Variants in CHLSN observed in about 807,000 individuals in gnomAD.
CHLSN encodes protein cholesin.
chr7:1,002,518 G>T, the CHLSN span, among the ~76,000 whole-genome samples: 1 of 79,418 alleles, frequency 1.3e-5, no homozygotes, highest in Non-Finnish European at 2.4e-5. Flanking sequence ...CCTGTGGGTG[G>T]GGAGTCCTGT....
At chr7:1,061,377 T>G in the CHLSN span, among the ~76,000 whole-genome samples, 1 of 151,920 alleles carries the variant, frequency 6.6e-6, no homozygotes, top group Non-Finnish European at 1.5e-5. Context: ...CCTGAGACAC[T>G]TCACTGTGCA....
the CHLSN span, chr7:1,000,701 G>C: frequency 3.6e-5 from 23 of 640,920 alleles, no homozygotes; most frequent in Non-Finnish European, 5.9e-5. Flanking sequence ...GGTTTTTGGA[G>C]CCCCTCCCCT....
the CHLSN span, among the ~76,000 whole-genome samples, chr7:1,036,833 A>C: frequency 6.7e-6 from 1 of 148,286 alleles, no homozygotes; most frequent in South Asian, 2.2e-4. Context: ...CAGACGGCCA[A>C]GCGTGGTGGC....
At chr7:1,137,580 C>T in the CHLSN span, 2 of 152,218 alleles carry the variant, frequency 1.3e-5, no homozygotes, top group African/African-American at 4.8e-5. Context: ...CAGGAGGATC[C>T]ATCGCTTGAG....
chr7:992,460 G>C, the CHLSN span, among the ~76,000 whole-genome samples: 1 of 152,244 alleles, frequency 6.6e-6, no homozygotes, highest in Admixed American at 6.5e-5. Flanking sequence ...AGGAGACCAA[G>C]CTTTACCCAC....
the CHLSN span, among the ~76,000 whole-genome samples, chr7:1,114,406 G>C: frequency 1.6e-4 from 25 of 152,372 alleles, no homozygotes; most frequent in Non-Finnish European, 3.4e-4. Flanking sequence ...AGCGTGAATT[G>C]TGGTGAGCCT....
the CHLSN span, among the ~76,000 whole-genome samples, chr7:1,076,781 C>T: frequency 3.9e-5 from 6 of 152,228 alleles, no homozygotes; most frequent in East Asian, 1.9e-4. Flanking sequence ...TCGGGAAAGC[C>T]GGGGGAGGAG....
At chr7:1,041,034 C>T in the CHLSN span, among the ~76,000 whole-genome samples, 1 of 152,246 alleles carries the variant, frequency 6.6e-6, no homozygotes, top group Non-Finnish European at 1.5e-5. Flanking sequence ...CTGGGCACCT[C>T]CCACGTTCCC....
At chr7:1,046,825 C>G in the CHLSN span, among the ~76,000 whole-genome samples, 1 of 152,230 alleles carries the variant, frequency 6.6e-6, no homozygotes, top group Non-Finnish European at 1.5e-5. Flanking sequence ...TTGCAGACCA[C>G]TGTCGCTACC....
At chr7:1,072,716 C>G in the CHLSN span, among the ~76,000 whole-genome samples, 3 of 135,178 alleles carry the variant, frequency 2.2e-5, no homozygotes, top group African/African-American at 8.7e-5. Context: ...GAGTCTCGCT[C>G]CATCGTGCCC....
At chr7:1,099,871 C>T in the CHLSN span, among the ~76,000 whole-genome samples, 1 of 152,248 alleles carries the variant, frequency 6.6e-6, no homozygotes. Flanking sequence ...ATTCAGGCCA[C>T]GGTGCAGCAG....
At chr7:1,112,160 C>G in the CHLSN span, among the ~76,000 whole-genome samples, 5 of 152,194 alleles carry the variant, frequency 3.3e-5, no homozygotes, top group African/African-American at 4.8e-5. Flanking sequence ...GGAAATTCCA[C>G]TGACATGGAA....
chr7:1,116,984 G>A, the CHLSN span, among the ~76,000 whole-genome samples: 6 of 38,998 alleles, frequency 1.5e-4, no homozygotes, highest in African/African-American at 3.0e-4. Flanking sequence ...TTCTAGGACC[G>A]GCTTCCATCA....
At chr7:1,039,289 C>T in the CHLSN span, among the ~76,000 whole-genome samples, 1 of 41,326 alleles carries the variant, frequency 2.4e-5, no homozygotes, top group Non-Finnish European at 4.2e-5. Context: ...AGGTGAGGGG[C>T]GCCTCTGCCC....
chr7:1,136,473 A>AAAC, the CHLSN span, among the ~76,000 whole-genome samples: 5 of 109,724 alleles, frequency 4.6e-5, no homozygotes, highest in Non-Finnish European at 8.2e-5. Flanking sequence ...AACATATATA[A>AAAC]ATATATAAAC....
At chr7:1,125,298 T>C in the CHLSN span, among the ~76,000 whole-genome samples, 1 of 152,212 alleles carries the variant, frequency 6.6e-6, no homozygotes, top group African/African-American at 2.4e-5. Context: ...AGGGCCCACG[T>C]GGGCTCCCCC....
At chr7:1,010,167 G>A in the CHLSN span, 1 of 1,594,170 alleles carries the variant, frequency 6.3e-7, no homozygotes, top group South Asian at 1.1e-5. Context: ...AACACATTAG[G>A]CTTCGGGGAT....
chr7:1,058,258 C>T, the CHLSN span: 18 of 770,986 alleles, frequency 2.3e-5, no homozygotes, highest in Admixed American at 8.5e-5. Context: ...CTCTGGACGC[C>T]ACACTATCTG....
the CHLSN span, among the ~76,000 whole-genome samples, chr7:1,071,875 G>C: frequency 6.6e-6 from 1 of 152,230 alleles, no homozygotes; most frequent in Non-Finnish European, 1.5e-5. Flanking sequence ...CACCTTAGAA[G>C]GAGGGCTTCG....
Sources: gnomAD v4.1 joint callset for allele counts (sites outside exome capture counted in the v4.1 genomes callset) on GRCh38, gnomAD v4.1.1 for gene constraint, MANE v1.5 for transcripts, NCBI Gene and HGNC (gene_info 2026-07-23, HGNC 2026-07-21) for gene names.